Variants in LCORL observed in about 807,000 individuals in gnomAD.
LCORL encodes the protein ligand-dependent nuclear receptor corepressor-like protein.
Under a neutral mutation model 141.8 loss-of-function variants are expected in LCORL, and 41 were observed. The ratio of observed to expected loss-of-function variants is 0.29; its 90% CI spans 0.23 to 0.38. The LOEUF (loss-of-function observed/expected upper bound fraction) is 0.38. Among genes scored for constraint, LCORL ranks in the 10% least tolerant of loss-of-function variants. LCORL has a pLI of 1.00. For missense variants in LCORL, 1,759 were observed against 2,035.0 expected (o/e 0.86, Z 2.61); for synonymous variants, 618 against 694.1 (o/e 0.89, Z 1.72).
At chr4:17,912,674 G>GT (rs1732761427) in intron 4 of LCORL, among the ~76,000 whole-genome samples, 1 of 152,154 alleles carries the variant, frequency 6.6e-6, no homozygotes, top group East Asian at 1.9e-4. Flanking sequence ...CCTGAGGGAG[G>GT]TGGAGGCCTG....
intron 1 of LCORL, among the ~76,000 whole-genome samples, chr4:17,988,105 A>G (rs1300599344): frequency 6.6e-6 from 1 of 152,182 alleles, no homozygotes; most frequent in Non-Finnish European, 1.5e-5. Flanking sequence ...ATGCTTTTAA[A>G]AATGGGAGTT....
intron 4 of LCORL, among the ~76,000 whole-genome samples, chr4:17,940,798 C>CT (rs2109476396): frequency 6.6e-6 from 1 of 152,052 alleles, no homozygotes; most frequent in African/African-American, 2.4e-5. Context: ...TATCTATGAA[C>CT]TTTTGGGCAA....
At chr4:17,963,071 C>A (rs1206509876) in intron 2 of LCORL, 22 bp from the exon 3 acceptor site, 4 of 1,338,090 alleles carry the variant, frequency 3.0e-6, no homozygotes, top group Non-Finnish European at 1.1e-6. Flanking sequence ...GGAAAAAATT[C>A]ATTAAATATA....
chr4:17,906,322 C>T (rs1358273775), intron 5 of LCORL, among the ~76,000 whole-genome samples: 2 of 152,122 alleles, frequency 1.3e-5, no homozygotes, highest in Non-Finnish European at 2.9e-5. Context: ...TTCTATGACC[C>T]TAAGAAAAGT....
At chr4:17,897,133 G>A (rs1730059687) in intron 5 of LCORL, among the ~76,000 whole-genome samples, 1 of 144,190 alleles carries the variant, frequency 6.9e-6, no homozygotes, top group African/African-American at 2.5e-5. Context: ...TGGACACTTA[G>A]GTTTCTTCCA....
intron 5 of LCORL, among the ~76,000 whole-genome samples, chr4:17,902,564 A>G (rs1165123831): frequency 6.6e-6 from 1 of 152,168 alleles, no homozygotes; most frequent in East Asian, 1.9e-4. Context: ...ACAAAACTTA[A>G]TTTATAAACC....
At chr4:17,883,986 G>C (rs1366024300) in intron 6 of LCORL, 1 of 1,550,716 alleles carries the variant, frequency 6.4e-7, no homozygotes, top group East Asian at 2.4e-5. Context: ...TTTTTCCTGG[G>C]CTGCTTACTG....
chr4:17,884,807 G>T lies in LCORL; in HGVS notation c.776+1261C>A. 2 of 976,082 alleles carry T rather than the reference G, an allele frequency of 2.0e-6. No individual in the cohort carries two copies. Among genetic ancestry groups the T allele is most frequent in the Non-Finnish European group, 1.5e-6 (1 of 685,228 alleles). 60.5% of individuals were successfully genotyped at this position (976,082 alleles called of 1,614,324 possible). On this transcript the variant is annotated intron_variant, in intron 6 of 7. Coordinates refer to ENST00000635767, the Ensembl canonical transcript of LCORL. The surrounding 1 kb of genome is among the most constrained non-coding windows in gnomAD (Gnocchi z 4.4). Reference sequence around the variant, plus strand: ...CTGATGCATGAGAGACTCTCACACAGCTATGGAAGGGGAGGGTCCACTCCT... The same window carrying T: ...CTGATGCATGAGAGACTCTCACACATCTATGGAAGGGGAGGGTCCACTCCT...
rs529051794 is a variant in LCORL, at chr4:17,876,180, C to G, written c.2810G>C (p.Ser937Thr). 13 of 1,230,978 alleles carry G rather than the reference C, an allele frequency of 1.1e-5. No homozygotes were observed. In the South Asian group the frequency reaches 5.3e-4, roughly 51 times the overall value. 76.3% of individuals were successfully genotyped at this position (1,230,978 alleles called of 1,614,324 possible). The change falls in exon 7 of 8, where the codon AGT becomes ACT. Residue 937 changes from serine (S) to threonine (T), a missense_variant. By Grantham distance (58) the Ser-to-Thr change is moderately conservative. Coordinates refer to ENST00000635767, the Ensembl canonical transcript of LCORL. ...ATATTTTGCTGGTACATTTTCAACA[C>G]TGGAAATCAAGCGACCCATATCTAA...
chr4:18,018,968 G>T (rs1247660113), intron 1 of LCORL, among the ~76,000 whole-genome samples: 5 of 152,126 alleles, frequency 3.3e-5, no homozygotes, highest in African/African-American at 7.2e-5. Context: ...ATAAAGTAAT[G>T]AATGTAAGGC....
chr4:17,954,507 GT>G (rs1351528991), intron 4 of LCORL, among the ~76,000 whole-genome samples: 1 of 152,172 alleles, frequency 6.6e-6, no homozygotes, highest in Non-Finnish European at 1.5e-5. Context: ...GCCACTAAAT[GT>G]TTTTGGACAG....
chr4:17,988,935 G>C (rs1719501609), intron 1 of LCORL, among the ~76,000 whole-genome samples: 1 of 152,224 alleles, frequency 6.6e-6, no homozygotes, highest in East Asian at 1.9e-4. Flanking sequence ...GGTGAGCCGA[G>C]ATCACGCCAC....
intron 5 of LCORL, among the ~76,000 whole-genome samples, chr4:17,899,915 T>C (rs1730617808): frequency 6.6e-6 from 1 of 152,136 alleles, no homozygotes; most frequent in African/African-American, 2.4e-5. Context: ...CTGTTTAGCC[T>C]TGGGCCCCAT....
chr4:17,910,468 A>C (rs556965655), intron 4 of LCORL, among the ~76,000 whole-genome samples: 7 of 152,214 alleles, frequency 4.6e-5, no homozygotes, highest in Non-Finnish European at 1.0e-4. Context: ...CTAAACCCTT[A>C]CTCAGGTAGA....
intron 4 of LCORL, among the ~76,000 whole-genome samples, chr4:17,953,220 C>T (rs896946101): frequency 6.6e-6 from 1 of 152,110 alleles, no homozygotes; most frequent in Non-Finnish European, 1.5e-5. Context: ...TATGCATGGG[C>T]CTTTATGGCA....
At chr4:17,928,742 A>G (rs1005266011) in intron 4 of LCORL, among the ~76,000 whole-genome samples, 7 of 152,354 alleles carry the variant, frequency 4.6e-5, no homozygotes, top group Middle Eastern at 3.4e-3. Context: ...AGCCAAGGCA[A>G]TAAAGCAAGA....
At chr4:17,964,502 GATTTTAATTAA>G (rs1714470729) in intron 2 of LCORL, among the ~76,000 whole-genome samples, 1 of 151,836 alleles carries the variant, frequency 6.6e-6, no homozygotes, top group African/African-American at 2.4e-5. Flanking sequence ...TTTGCAGAAA[GATTTTAATTAA>G]ATTTTAATTA....
At chr4:18,015,828 C>T (rs1467376320) in intron 1 of LCORL, among the ~76,000 whole-genome samples, 6 of 145,896 alleles carry the variant, frequency 4.1e-5, no homozygotes, top group Non-Finnish European at 7.5e-5. Context: ...GAGTAGATAC[C>T]GACAAAAAGC....
chr4:17,992,692 C>G lies in LCORL; in HGVS notation c.155-19807G>C, dbSNP rs535327238. Among the ~76,000 whole-genome samples, 275 of 152,294 alleles carry G rather than the reference C, an allele frequency of 1.8e-3. 1 individual carries two copies. The highest frequency in any genetic ancestry group is 6.4e-3 in the African/African-American group (268 of 41,560). ...TGATAACTTTGACCTCCATAACAAACAGACTCTATCTTTTCCTAAGGTCAC... is the reference window on the plus strand; with the variant it reads ...TGATAACTTTGACCTCCATAACAAAGAGACTCTATCTTTTCCTAAGGTCAC... On this transcript the variant is annotated intron_variant, in intron 1 of 7. Transcript: ENST00000635767.
Sources: gnomAD v4.1 joint callset for allele counts (sites outside exome capture counted in the v4.1 genomes callset) on GRCh38, gnomAD v4.1.1 for gene constraint, Gnocchi (gnomAD v3.1) non-coding constraint, MANE v1.5 for transcripts, NCBI Gene and HGNC (gene_info 2026-07-23, HGNC 2026-07-21) for gene names.